The following GAP43 variants were observed in gnomAD, a reference collection of about 807,000 sequenced individuals.
GAP43 encodes growth associated protein 43, also known as neuromodulin.
A neutral mutation model predicts 18.6 loss-of-function variants in GAP43; 6 were observed. The ratio of observed to expected loss-of-function variants is 0.32; its 90% confidence interval spans 0.18 to 0.64. The LOEUF (loss-of-function observed/expected upper bound fraction) is 0.64. Among genes scored for constraint, GAP43 ranks in the 30% least tolerant of loss-of-function variants. The pLI, the probability that GAP43 is intolerant of heterozygous loss-of-function variation, is 0.78. For synonymous variants in GAP43, 115 were observed against 111.4 expected (o/e 1.03, Z -0.20); for missense variants, 292 against 295.5 (o/e 0.99, Z 0.09).
chr3:115,702,577 G>A (rs1360612255), intron 2 of GAP43, among the ~76,000 whole-genome samples: 2 of 152,158 alleles, frequency 1.3e-5, no homozygotes, highest in Non-Finnish European at 2.9e-5. Flanking sequence ...TTAATCTGTT[G>A]CAAGAGACTC....
intron 1 of GAP43, among the ~76,000 whole-genome samples, chr3:115,673,220 A>G (rs1464245672): frequency 6.6e-6 from 1 of 152,196 alleles, no homozygotes; most frequent in East Asian, 1.9e-4. Context: ...AGATGCTTTA[A>G]GAAATTGAGA....
chr3:115,670,026 A>T, intron 1 of GAP43, among the ~76,000 whole-genome samples: 2 of 107,000 alleles, frequency 1.9e-5, no homozygotes, highest in East Asian at 2.9e-4. Context: ...TCTAAGTTTT[A>T]GGGTACATGT....
intron 2 of GAP43, among the ~76,000 whole-genome samples, chr3:115,709,180 T>C (rs1709403922): frequency 6.6e-6 from 1 of 152,154 alleles, no homozygotes; most frequent in African/African-American, 2.4e-5. Flanking sequence ...GGAACCTCTT[T>C]CATTTTAAGT....
chr3:115,694,340 A>G (rs544998227), intron 2 of GAP43, among the ~76,000 whole-genome samples: 4 of 152,352 alleles, frequency 2.6e-5, no homozygotes, highest in South Asian at 2.1e-4. Context: ...TGGTGACTCT[A>G]TATTTCTAAT....
chr3:115,637,830 T>C (rs949021988), intron 1 of GAP43, among the ~76,000 whole-genome samples: 3 of 152,054 alleles, frequency 2.0e-5, no homozygotes, highest in African/African-American at 7.2e-5. Flanking sequence ...CCCTTTCTTA[T>C]CCAGTCATGT....
chr3:115,692,123 A>G (rs1709123210), intron 2 of GAP43, among the ~76,000 whole-genome samples: 1 of 152,166 alleles, frequency 6.6e-6, no homozygotes. Flanking sequence ...CTTTCATCAG[A>G]TACTCTACTG....
At chr3:115,625,967 T>C (rs1708182456) in intron 1 of GAP43, among the ~76,000 whole-genome samples, 1 of 152,242 alleles carries the variant, frequency 6.6e-6, no homozygotes, top group South Asian at 2.1e-4. Flanking sequence ...AAATGTGTAC[T>C]TCTGTGTGAA....
At chr3:115,686,936 A>G (rs1709042789) in intron 2 of GAP43, among the ~76,000 whole-genome samples, 1 of 152,198 alleles carries the variant, frequency 6.6e-6, no homozygotes, top group Non-Finnish European at 1.5e-5. Context: ...ATGTCTTCAC[A>G]GAGGTAGAAT....
intron 2 of GAP43, among the ~76,000 whole-genome samples, chr3:115,688,673 G>A (rs1377774004): frequency 6.6e-6 from 1 of 152,062 alleles, no homozygotes; most frequent in Non-Finnish European, 1.5e-5. Context: ...TTAACTCCGC[G>A]GACTGACATC....
chr3:115,650,256 A>G (rs148069301), intron 1 of GAP43, among the ~76,000 whole-genome samples: 222 of 152,188 alleles, frequency 1.5e-3, no homozygotes, highest in African/African-American at 4.9e-3. Flanking sequence ...GTGTATTTCT[A>G]TGGTAAAGAG....
At chr3:115,652,356 C>CTTTTT (rs71141831) in intron 1 of GAP43, among the ~76,000 whole-genome samples, 827 of 43,836 alleles carry the variant, frequency 0.019, 205 homozygotes, top group East Asian at 0.025. Context: ...ATCCAGCATT[C>CTTTTT]TTTTTTTTTT....
intron 2 of GAP43, among the ~76,000 whole-genome samples, chr3:115,716,348 A>G (rs1184743741): frequency 6.6e-6 from 1 of 152,162 alleles, no homozygotes; most frequent in Non-Finnish European, 1.5e-5. Context: ...CTGCTTTGTC[A>G]GAGGTTAAAA....
intron 2 of GAP43, among the ~76,000 whole-genome samples, chr3:115,715,098 C>A (rs534821725): frequency 6.6e-6 from 1 of 152,228 alleles, no homozygotes; most frequent in East Asian, 1.9e-4. Context: ...CATGATTTAA[C>A]CACCTCCCAA....
At chr3:115,675,461 C>T (rs532190174) in intron 1 of GAP43, among the ~76,000 whole-genome samples, 3 of 152,138 alleles carry the variant, frequency 2.0e-5, no homozygotes, top group East Asian at 1.9e-4. Flanking sequence ...AAAGAAAATA[C>T]GTAGAAAATA....
intron 1 of GAP43, among the ~76,000 whole-genome samples, chr3:115,665,355 C>T (rs1382894650): frequency 6.6e-6 from 1 of 152,096 alleles, no homozygotes; most frequent in East Asian, 1.9e-4. Flanking sequence ...TCATACTTTT[C>T]GAGTGTTCAT....
intron 2 of GAP43, among the ~76,000 whole-genome samples, chr3:115,712,437 TA>T (rs11289201): frequency 0.44 from 67,547 of 151,860 alleles, 15,622 homozygotes; most frequent in African/African-American, 0.56. Flanking sequence ...TTGAGACTAT[TA>T]AAACTTGGCA....
Position 115,637,067 on chromosome 3 carries a change from C to T in GAP43, c.30+13348C>T, listed in dbSNP as rs148036986. ...GCCTAGCTCAATCTTGCCTAAACTC[C>T]GGGCCCTGAATCAAGACTTATCTCA... On this transcript the variant is annotated intron_variant, in intron 1 of 2. Coordinates refer to ENST00000305124, the MANE Select transcript of GAP43 (RefSeq NM_002045.4). Among the ~76,000 whole-genome samples the T allele has an allele frequency of 6.1e-4, 93 of 152,164 alleles. 1 individual carries two copies. Among genetic ancestry groups the T allele is most frequent in the South Asian group, 2.9e-3 (14 of 4,824 alleles).
intron 2 of GAP43, among the ~76,000 whole-genome samples, chr3:115,698,189 A>ATATAAAATATATAATATATAATATAT: frequency 9.7e-5 from 1 of 10,278 alleles, no homozygotes; most frequent in Non-Finnish European, 2.5e-4. Flanking sequence ...TATATATATT[A>ATATAAAATATATAATATATAATATAT]AATATATATT....
At position 115,676,600 on chromosome 3, in the gene GAP43, A is replaced by G; in HGVS notation, c.618A>G (p.Glu206=). 6.2e-7 allele frequency: 1 copy of G among 1,601,308 alleles called. No individual in the cohort carries two copies. Among genetic ancestry groups the G allele is most frequent in the Non-Finnish European group, 8.5e-7 (1 of 1,176,294 alleles). ...AGACTGGGGAGAGCAGCCAAGCTGAAGAGAACATAGGTGAGCAACCGCGAG... is the reference window on the plus strand; with the variant it reads ...AGACTGGGGAGAGCAGCCAAGCTGAGGAGAACATAGGTGAGCAACCGCGAG... ...PTETGESSQA[E]ENIEAVDETK... The change falls in exon 2 of 3, where the codon GAA becomes GAG. Residue 206 remains glutamate, a synonymous_variant. Coordinates refer to ENST00000305124, the MANE Select transcript of GAP43 (RefSeq NM_002045.4).
Sources: allele counts gnomAD v4.1 joint callset (sites outside exome capture counted in the v4.1 genomes callset), GRCh38; gene constraint gnomAD v4.1.1; transcripts MANE v1.5; gene names NCBI Gene and HGNC (gene_info 2026-07-23, HGNC 2026-07-21).